Variants in PTPRD observed in about 807,000 individuals in gnomAD.
PTPRD encodes receptor-type tyrosine-protein phosphatase delta.
A neutral mutation model predicts 214.5 loss-of-function variants in PTPRD; 34 were observed. That is an observed-to-expected ratio of 0.16 (90% confidence interval 0.12 to 0.21). The LOEUF (loss-of-function observed/expected upper bound fraction) is 0.21, where lower values mean the gene tolerates loss of function less well. Among genes scored for constraint, PTPRD ranks in the 10% least tolerant of loss-of-function variants. PTPRD has a pLI of 1.00. For synonymous variants in PTPRD, 1,128 were observed against 845.7 expected, an observed-to-expected ratio of 1.33 and a Z score of -5.79; for missense variants, 2,545 against 2,398.7, an observed-to-expected ratio of 1.06 and a Z score of -1.27.
intron 8 of PTPRD, among the ~76,000 whole-genome samples, chr9:9,473,656 TTGA>T (rs2094795890): frequency 6.6e-6 from 1 of 152,164 alleles, no homozygotes; most frequent in Non-Finnish European, 1.5e-5. Context: ...CTTCATTCTC[TTGA>T]TGATGGCCAT....
At chr9:8,577,235 ATT>A (rs1430112460) in intron 14 of PTPRD, among the ~76,000 whole-genome samples, 1 of 150,448 alleles carries the variant, frequency 6.6e-6, no homozygotes, top group Non-Finnish European at 1.5e-5. Context: ...TTTATTTTTT[ATT>A]TGTTTGTTTG....
chr9:9,153,075 A>G (rs927287971), intron 10 of PTPRD, among the ~76,000 whole-genome samples: 7 of 152,188 alleles, frequency 4.6e-5, no homozygotes, highest in African/African-American at 1.7e-4. Flanking sequence ...ATGTTAGTCT[A>G]TAAATGACAT....
intron 3 of PTPRD, among the ~76,000 whole-genome samples, chr9:10,163,004 T>C (rs991265885): frequency 6.6e-6 from 1 of 150,808 alleles, no homozygotes; most frequent in African/African-American, 2.4e-5. Flanking sequence ...ATCTACTACC[T>C]ATCTAAATGT....
At chr9:9,860,438 T>C (rs2062476689) in intron 5 of PTPRD, among the ~76,000 whole-genome samples, 1 of 152,212 alleles carries the variant, frequency 6.6e-6, no homozygotes, top group South Asian at 2.1e-4. Context: ...AAACAAAACA[T>C]CACTTTTCAT....
At chr9:9,054,453 T>C (rs2099692522) in intron 10 of PTPRD, among the ~76,000 whole-genome samples, 1 of 152,202 alleles carries the variant, frequency 6.6e-6, no homozygotes, top group Non-Finnish European at 1.5e-5. Context: ...AAAATTATCA[T>C]GACGTTTACC....
intron 30 of PTPRD, among the ~76,000 whole-genome samples, chr9:8,477,036 T>A (rs1047499315): frequency 6.6e-6 from 1 of 152,070 alleles, no homozygotes; most frequent in Non-Finnish European, 1.5e-5. Context: ...ATGATTCATA[T>A]TGGAGGAGTG....
chr9:10,283,311 T>C (rs2095218753), intron 3 of PTPRD, among the ~76,000 whole-genome samples: 1 of 152,192 alleles, frequency 6.6e-6, no homozygotes, highest in South Asian at 2.1e-4. Context: ...GTTAGGTTTA[T>C]TTCTATGATC....
Position 9,850,699 on chromosome 9 carries a change from C to T in PTPRD, c.-367-83848G>A, listed in dbSNP as rs527796822. Among the ~76,000 whole-genome samples the T allele has an allele frequency of 2.2e-4, 33 of 152,056 alleles. No individual in the cohort carries two copies. The South Asian group carries it at 6.0e-3, about 28-fold the overall frequency. Reference sequence around the variant, plus strand: ...TTATTGTGAGAACACTTAAAATCTACTCTCTAAGCAATTTTCAAGTATAAA... The same window carrying T: ...TTATTGTGAGAACACTTAAAATCTATTCTCTAAGCAATTTTCAAGTATAAA... On this transcript the variant is annotated intron_variant, in intron 5 of 45. Transcript: ENST00000381196.
At chr9:9,951,824 G>C (rs974008866) in intron 4 of PTPRD, among the ~76,000 whole-genome samples, 2 of 152,202 alleles carry the variant, frequency 1.3e-5, no homozygotes, top group Non-Finnish European at 2.9e-5. Context: ...TACATATGTA[G>C]CAGTCAATTC....
At chr9:10,206,765 A>C (rs1052899591) in intron 3 of PTPRD, among the ~76,000 whole-genome samples, 2 of 152,160 alleles carry the variant, frequency 1.3e-5, no homozygotes, top group African/African-American at 4.8e-5. Context: ...TCATAGCAGA[A>C]AGTTAAAGAA....
At chr9:8,602,428 T>C (rs984218267) in intron 14 of PTPRD, among the ~76,000 whole-genome samples, 1 of 152,216 alleles carries the variant, frequency 6.6e-6, no homozygotes, top group African/African-American at 2.4e-5. Context: ...TGCCACATGA[T>C]ATAAACTTAC....
chr9:8,401,367 T>C (rs1283339651), intron 36 of PTPRD, among the ~76,000 whole-genome samples: 1 of 152,170 alleles, frequency 6.6e-6, no homozygotes, highest in African/African-American at 2.4e-5. Context: ...CTCATTACAA[T>C]AAATCCTATT....
At chr9:10,106,931 T>G (rs1031524933) in intron 3 of PTPRD, among the ~76,000 whole-genome samples, 1 of 151,616 alleles carries the variant, frequency 6.6e-6, no homozygotes, top group African/African-American at 2.4e-5. Context: ...AAAATTTTAG[T>G]AGGGAGGTTG....
At chr9:9,876,929 A>G (rs2067055408) in intron 5 of PTPRD, among the ~76,000 whole-genome samples, 1 of 152,192 alleles carries the variant, frequency 6.6e-6, no homozygotes, top group Admixed American at 6.5e-5. Context: ...ATTTAAATAG[A>G]CTAATTTTAT....
intron 7 of PTPRD, among the ~76,000 whole-genome samples, chr9:9,629,801 C>T (rs762526257): frequency 1.3e-5 from 2 of 152,140 alleles, no homozygotes; most frequent in Non-Finnish European, 2.9e-5. Flanking sequence ...AAAGAATTAC[C>T]CAAAACTACA....
chr9:9,156,464 A>G (rs142805191), intron 10 of PTPRD, among the ~76,000 whole-genome samples: 41 of 151,464 alleles, frequency 2.7e-4, no homozygotes, highest in Non-Finnish European at 4.1e-4. Context: ...ATACTTTTAT[A>G]TAAGTATATA....
chr9:9,846,782 C>T (rs2059614345), intron 5 of PTPRD, among the ~76,000 whole-genome samples: 1 of 152,000 alleles, frequency 6.6e-6, no homozygotes, highest in Non-Finnish European at 1.5e-5. Context: ...ATAAATGAAA[C>T]ATTGAGAGCT....
At chr9:9,497,986 T>C (rs377732673) in intron 8 of PTPRD, among the ~76,000 whole-genome samples, 1 of 152,162 alleles carries the variant, frequency 6.6e-6, no homozygotes, top group South Asian at 2.1e-4. Context: ...TGAATTTCTA[T>C]AAGATGAGTA....
intron 9 of PTPRD, among the ~76,000 whole-genome samples, chr9:9,231,477 T>G (rs568365732): frequency 4.1e-4 from 62 of 152,154 alleles, no homozygotes; most frequent in Non-Finnish European, 8.1e-4. Flanking sequence ...AAAGTTTCAT[T>G]TTGTGTTGAT....
Sources: allele counts gnomAD v4.1 joint callset (sites outside exome capture counted in the v4.1 genomes callset), GRCh38; gene constraint gnomAD v4.1.1; transcripts MANE v1.5; gene names NCBI Gene and HGNC (gene_info 2026-07-23, HGNC 2026-07-21).